Variants in GTPBP2 observed in about 807,000 individuals in gnomAD.
GTPBP2 encodes GTP-binding protein 2.
A neutral mutation model predicts 63.0 loss-of-function variants in GTPBP2; 32 were observed. The observed-to-expected ratio is 0.51, with a 90% CI of 0.38 to 0.68. The LOEUF is 0.68. GTPBP2 is among the 30% of genes least tolerant of loss of function. GTPBP2 has a pLI of 0.00. For missense variants in GTPBP2, 492 were observed against 796.9 expected (o/e 0.62, Z 4.61); for synonymous variants, 310 against 322.6 (o/e 0.96, Z 0.42).
intron 1 of GTPBP2, among the ~76,000 whole-genome samples, chr6:43,627,661 A>C (rs1482322261): frequency 2.0e-5 from 3 of 152,188 alleles, no homozygotes; most frequent in African/African-American, 7.2e-5. Context: ...ACAGCACAGA[A>C]GCACCCTGTT....
In GTPBP2 at chr6:43,625,213, AAG is replaced by A. The variant is rs1769202041; in HGVS notation, c.705+148_705+149del. 25 of 1,018,674 alleles carry A rather than the reference AAG, an allele frequency of 2.5e-5. No homozygotes were observed. Among genetic ancestry groups the A allele is most frequent in the Non-Finnish European group, 3.1e-5 (21 of 674,972 alleles). The allele number at this position is 1,018,674 out of a possible 1,614,324, so 63.1% of individuals were successfully genotyped here. On this transcript the variant is annotated intron_variant, in intron 5 of 11. Coordinates refer to ENST00000307126, the MANE Select transcript of GTPBP2 (RefSeq NM_019096.5). The surrounding 1 kb of genome is among the most constrained non-coding windows in gnomAD (Gnocchi z 5.1). ...TTAGTTGATTCCCCATTGATTTCCT[AAG>A]AGGGGCAGAGCTTGTTCACAGTCCC...
At chr6:43,628,091 C>A (rs538297236) in intron 1 of GTPBP2, among the ~76,000 whole-genome samples, 1 of 152,188 alleles carries the variant, frequency 6.6e-6, no homozygotes, top group East Asian at 1.9e-4. Flanking sequence ...AGGCTGGGCA[C>A]GGAGGCTCAC....
Position 43,621,295 on chromosome 6 carries a change from A to T in GTPBP2, c.*319T>A. Reference sequence around the variant, plus strand: ...CCAGCAAAACATGCCCAGTCTTAGTAGTGGGGACGAAGAATTGATGAGTGG... The same window carrying T: ...CCAGCAAAACATGCCCAGTCTTAGTTGTGGGGACGAAGAATTGATGAGTGG... On this transcript the variant is annotated 3_prime_UTR_variant, in exon 12 of 12. Coordinates refer to ENST00000307126, the MANE Select transcript of GTPBP2 (RefSeq NM_019096.5). 3.0e-6 allele frequency: 2 copies of T among 660,462 alleles called. No homozygotes were observed. The highest frequency in any genetic ancestry group is 5.1e-6 in the Non-Finnish European group (2 of 395,080). The allele number at this position is 660,462 out of a possible 1,614,324, so 40.9% of individuals were successfully genotyped here. A position where few individuals can be genotyped will look rare whatever the true frequency, so the allele number is the denominator to read the frequency against.
Position 43,624,835 on chromosome 6 carries a change from G to C in GTPBP2, c.880+53C>G. 3 of 1,594,946 alleles carry C rather than the reference G, an allele frequency of 1.9e-6. No individual in the cohort carries two copies. The highest frequency in any genetic ancestry group is 2.6e-6 in the Non-Finnish European group (3 of 1,163,482). On this transcript the variant is annotated intron_variant, in intron 6 of 11. Transcript: ENST00000307126. This position sits in a 1 kb window ranked among gnomAD's most constrained non-coding sequence, Gnocchi z 5.1. ...CTGTCTCCAAGATTTGAGGCCCAGG[G>C]TAGGAGAGTCAGCACCCCCCTTCAG... is the stretch of plus-strand genomic sequence containing the variant.
At chr6:43,630,226 T>A (rs566916319), upstream of GTPBP2, among the ~76,000 whole-genome samples, 1 of 152,174 alleles carries the variant, frequency 6.6e-6, no homozygotes, top group African/African-American at 2.4e-5. Flanking sequence ...TCCAGCTCTT[T>A]AGTGCTGTTG....
rs755622989 is a variant in GTPBP2 at position 43,624,522 on chromosome 6, G to A, written c.1088C>T (p.Ala363Val). ...AAGGTGGGCTTACTTGGGTGACTGA[G>A]CAAACTGCTGGGCAGCAGTGACGGC... ...DDAVTAAQQF[A>V]QSPNVTPIFT... Residue 363 changes from alanine (A) to valine (V), a missense_variant, in exon 7 of 12, where the codon GCT (alanine) becomes GTT (valine). Physicochemically the swap from Ala to Val is moderately conservative, Grantham distance 64. This residue lies in a region of GTPBP2 where 400 missense variants were observed against 710.8 expected (regional missense o/e 0.56). Transcript: ENST00000307126. The surrounding 1 kb of genome is among the most constrained non-coding windows in gnomAD (Gnocchi z 5.1). 6.2e-7 allele frequency: 1 copy of A among 1,612,412 alleles called. No individual in the cohort carries two copies. The highest frequency in any genetic ancestry group is 1.1e-5 in the South Asian group (1 of 91,064).
In GTPBP2 at chr6:43,626,560, C is replaced by A; in HGVS notation, c.214-150G>T. 1 of 633,978 alleles carries A rather than the reference C, an allele frequency of 1.6e-6. No individual in the cohort carries two copies. 39.3% of individuals were successfully genotyped at this position (633,978 alleles called of 1,614,324 possible). On this transcript the variant is annotated intron_variant, in intron 2 of 11. Transcript: ENST00000307126. This position sits in a 1 kb window ranked among gnomAD's most constrained non-coding sequence, Gnocchi z 4.0. ...CCTCCAACAGAACGAGGTACAGAGC[C>A]CTTAACCTGAACCATATCCTTAAAC...
upstream of GTPBP2, chr6:43,629,769 G>A (rs775629848): frequency 3.8e-6 from 6 of 1,562,142 alleles, no homozygotes; most frequent in Non-Finnish European, 5.2e-6. Context: ...GTGCCGCTGG[G>A]GTGAGTCAGG....
In GTPBP2 at chr6:43,621,453, G is replaced by C; in HGVS notation, c.*161C>G. The C allele has an allele frequency of 6.5e-7, 1 of 1,548,456 alleles. No individual in the cohort carries two copies. ...GACTGCCCTTTCCTGGCCACACCAA[G>C]TTTGGCACCTCTCCAGAAAGTTGGC... On this transcript the variant is annotated 3_prime_UTR_variant, in exon 12 of 12. Coordinates refer to ENST00000307126, the MANE Select transcript of GTPBP2 (RefSeq NM_019096.5).
In GTPBP2 at chr6:43,622,006, G is replaced by C. The variant is rs141450600; in HGVS notation, c.1629C>G (p.Ala543=). The change falls in exon 11 of 12, where the codon GCC becomes GCG. Residue 543 remains alanine (A), a synonymous_variant. Transcript: ENST00000307126. The surrounding 1 kb of genome is among the most constrained non-coding windows in gnomAD (Gnocchi z 5.4). ...TGGAAGGCCAGGTCCCTCTCACCTT[G>C]GCATGGATCTTTTCCACCACTGCCG... ...RQTAVVEKIH[A]KDKLRTGEKA... 44 of 1,614,034 alleles carry C rather than the reference G, an allele frequency of 2.7e-5. No individual in the cohort carries two copies. In the African/African-American group the frequency reaches 5.6e-4, roughly 21 times the overall value.
In GTPBP2 at chr6:43,624,453, C is replaced by G. The variant is rs1332884823; in HGVS notation, c.1100+57G>C. ...AAGTAGGATATCATGCTTCTGGGCC[C>G]TGGGCTCTGTGGCAGCCTTCCTAGT... On this transcript the variant is annotated intron_variant, in intron 7 of 11. Transcript: ENST00000307126. The surrounding 1 kb of genome is among the most constrained non-coding windows in gnomAD (Gnocchi z 5.1). The G allele has an allele frequency of 1.4e-5, 18 of 1,294,334 alleles. No individual in the cohort carries two copies. Among genetic ancestry groups the G allele is most frequent in the Non-Finnish European group, 1.9e-5 (17 of 900,198 alleles). 80.2% of individuals were successfully genotyped at this position (1,294,334 alleles called of 1,614,324 possible).
In GTPBP2 at chr6:43,625,918, G is replaced by A; in HGVS notation, c.399-54C>T. Reference sequence around the variant, plus strand: ...TCTCACCTGTCCTTCTCCTATTCCAGGCTCGCTCTGGACCTACAGACTTCC... The same window carrying A: ...TCTCACCTGTCCTTCTCCTATTCCAAGCTCGCTCTGGACCTACAGACTTCC... On this transcript the variant is annotated intron_variant, in intron 3 of 11. Coordinates refer to ENST00000307126, the MANE Select transcript of GTPBP2 (RefSeq NM_019096.5). The surrounding 1 kb of genome is among the most constrained non-coding windows in gnomAD (Gnocchi z 5.1). 1 of 1,401,312 alleles carries A rather than the reference G, an allele frequency of 7.1e-7. No homozygotes were observed. The highest frequency in any genetic ancestry group is 1.0e-6 in the Non-Finnish European group (1 of 986,998). 86.8% of individuals were successfully genotyped at this position (1,401,312 alleles called of 1,614,324 possible). A position where few individuals can be genotyped will look rare whatever the true frequency, so the allele number is the denominator to read the frequency against.
chr6:43,621,598 T>C lies in GTPBP2; in HGVS notation c.*16A>G, dbSNP rs769465508. 3 of 1,613,962 alleles carry C rather than the reference T, an allele frequency of 1.9e-6. No homozygotes were observed. In the African/African-American group the frequency reaches 4.0e-5, roughly 22 times the overall value. Reference sequence around the variant, plus strand: ...TATTGTAGGGACAGCAATAGAACTGTCCCTGCCTGAAGGGTTCAGAAGCCC... The same window carrying C: ...TATTGTAGGGACAGCAATAGAACTGCCCCTGCCTGAAGGGTTCAGAAGCCC... On this transcript the variant is annotated 3_prime_UTR_variant, in exon 12 of 12. Coordinates refer to ENST00000307126, the MANE Select transcript of GTPBP2 (RefSeq NM_019096.5).
Position 43,622,664 on chromosome 6 carries a change from A to G in GTPBP2, c.1436T>C (p.Leu479Pro). The G allele has an allele frequency of 6.2e-7, 1 of 1,613,604 alleles. No individual in the cohort carries two copies. The highest frequency in any genetic ancestry group is 8.5e-7 in the Non-Finnish European group (1 of 1,179,582). The change falls in exon 10 of 12, where the codon CTT (leucine) becomes CCT (proline). Residue 479 changes from leucine to proline, a missense_variant. Transcript: ENST00000307126. The surrounding 1 kb of genome is among the most constrained non-coding windows in gnomAD (Gnocchi z 5.4). ...AAGCAGTGCACGGTCAAAGTCCCCA[A>G]GCGCCAGTGTAGCAGCCTGACCAGC... ...LRAGQAATLA[L>P]GDFDRALLRK... is the part of the protein sequence containing the mutation.
At position 43,623,923 on chromosome 6, in the gene GTPBP2, A is replaced by G. The variant is rs905761185; in HGVS notation, c.1236+10T>C. The G allele has an allele frequency of 1.4e-5, 22 of 1,613,860 alleles. No homozygotes were observed. Among genetic ancestry groups the G allele is most frequent in the Non-Finnish European group, 1.9e-5 (22 of 1,179,790 alleles). ...TTCCCAGCCTATTAGATGTTTGGGC[A>G]GTCAACTACCTGGAACTCCGTCAGC... On this transcript the variant is annotated intron_variant, in intron 8 of 11. Transcript: ENST00000307126.
rs1435621362 is a variant in GTPBP2 at position 43,624,585 on chromosome 6, C to A, written c.1025G>T (p.Cys342Phe). 1.2e-6 allele frequency: 2 copies of A among 1,614,134 alleles called. No homozygotes were observed. Among genetic ancestry groups the A allele is most frequent in the Non-Finnish European group, 1.7e-6 (2 of 1,179,990 alleles). ...GGTGACCAGCATGGGGACCTTGTGG[C>A]AGCCAGGCTGCTTGAGGACCCGCTC... ...QLERVLKQPG[C>F]HKVPMLVTSE... Residue 342 changes from cysteine to phenylalanine, a missense_variant, in exon 7 of 12, where the codon TGC becomes TTC. This residue lies in a region of GTPBP2 where 400 missense variants were observed against 710.8 expected (regional missense o/e 0.56). Coordinates refer to ENST00000307126, the MANE Select transcript of GTPBP2 (RefSeq NM_019096.5). This position sits in a 1 kb window ranked among gnomAD's most constrained non-coding sequence, Gnocchi z 5.1.
rs143756297 is a variant in GTPBP2 at position 43,622,493 on chromosome 6, G to T, written c.1467+140C>A. 1.4e-5 allele frequency: 11 copies of T among 797,174 alleles called. No individual in the cohort carries two copies. In the Admixed American group the frequency reaches 1.4e-4, roughly 10 times the overall value. 49.4% of individuals were successfully genotyped at this position (797,174 alleles called of 1,614,324 possible). Reference sequence around the variant, plus strand: ...TTAAGCTGTTTTTATAGTCTACGTAGCTAGACCAGAAGCTTCTTGGGTCAG... The same window carrying T: ...TTAAGCTGTTTTTATAGTCTACGTATCTAGACCAGAAGCTTCTTGGGTCAG... On this transcript the variant is annotated intron_variant, in intron 10 of 11. Transcript: ENST00000307126. The surrounding 1 kb of genome is among the most constrained non-coding windows in gnomAD (Gnocchi z 5.4).
At chr6:43,628,374 T>A (rs1042008003) in intron 1 of GTPBP2, 2 of 167,236 alleles carry the variant, frequency 1.2e-5, no homozygotes, top group African/African-American at 4.9e-5. Flanking sequence ...AAAAAATAAA[T>A]AAATAAATAA....
At chr6:43,629,604 A>C (rs1341248232), upstream of GTPBP2, 1 of 813,346 alleles carries the variant, frequency 1.2e-6, no homozygotes, top group African/African-American at 1.7e-5. Flanking sequence ...AAGAGCTTAC[A>C]TCAGAATCGA....
Sources: allele counts gnomAD v4.1 joint callset (sites outside exome capture counted in the v4.1 genomes callset), GRCh38; gene constraint gnomAD v4.1.1; regional missense constraint gnomAD v4.1.1; non-coding constraint Gnocchi (gnomAD v3.1); transcripts MANE v1.5; gene names NCBI Gene and HGNC (gene_info 2026-07-23, HGNC 2026-07-21).